DLG1: variants seen among roughly 807,000 people sequenced by gnomAD.
DLG1 encodes disks large homolog 1.
In DLG1, 42 loss-of-function variants were observed where a neutral mutation model predicts 123.4. The ratio of observed to expected loss-of-function variants is 0.34; its 90% CI spans 0.27 to 0.44. The LOEUF is 0.44. Ranked by LOEUF, DLG1 falls within the 20% of genes least tolerant of loss-of-function variation. The pLI, the probability that DLG1 is intolerant of heterozygous loss-of-function variation, is 1.00. For missense variants in DLG1, 942 were observed against 1,082.6 expected, an observed-to-expected ratio of 0.87 and a Z score of 1.82; for synonymous variants, 317 against 356.2, an observed-to-expected ratio of 0.89 and a Z score of 1.24.
intron 11 of DLG1, among the ~76,000 whole-genome samples, chr3:197,122,843 A>G (rs1049667240): frequency 6.6e-6 from 1 of 152,094 alleles, no homozygotes; most frequent in Admixed American, 6.6e-5. Flanking sequence ...ACCGATCTGT[A>G]ATGTTTTTGA....
rs148346871 is a variant in DLG1, at chr3:197,160,400, A to C, written c.484-10604T>G. Among the ~76,000 whole-genome samples the C allele has an allele frequency of 3.3e-5, 5 of 151,502 alleles. No individual in the cohort carries two copies. The South Asian group carries it at 8.3e-4, about 25-fold the overall frequency. ...AAAAAAAACTGTACTAATAAACTCT[A>C]TATATTTGGAAAGATGTTACATTAT... On this transcript the variant is annotated intron_variant, in intron 5 of 24. Transcript: ENST00000667157.
intron 13 of DLG1, among the ~76,000 whole-genome samples, chr3:197,107,340 C>T (rs559917217): frequency 8.5e-5 from 13 of 152,172 alleles, no homozygotes; most frequent in East Asian, 3.9e-4. Flanking sequence ...GTCAGGAGAT[C>T]GAGACCTTCC....
At chr3:197,136,422 C>A in intron 10 of DLG1, 120 bp downstream of exon 10, 1 of 701,740 alleles carries the variant, frequency 1.4e-6, no homozygotes, top group Non-Finnish European at 2.3e-6. Context: ...TACAGCAAGG[C>A]TAGTATTTGC....
At chr3:197,061,102 C>T (rs1735454867) in intron 22 of DLG1, among the ~76,000 whole-genome samples, 1 of 152,200 alleles carries the variant, frequency 6.6e-6, no homozygotes. Context: ...CCATGCTCAG[C>T]CCCATAATGC....
intron 5 of DLG1, among the ~76,000 whole-genome samples, chr3:197,167,910 C>T (rs1438185763): frequency 6.6e-6 from 1 of 152,134 alleles, no homozygotes; most frequent in Non-Finnish European, 1.5e-5. Context: ...GAAAATGTCA[C>T]AAATGTAATA....
rs558256686 is a variant in DLG1 at position 197,119,480 on chromosome 3, G to C, written c.1216C>G (p.Gln406Glu). The C allele has an allele frequency of 6.2e-7, 1 of 1,611,694 alleles. No individual in the cohort carries two copies. The highest frequency in any genetic ancestry group is 2.2e-5 in the East Asian group (1 of 44,744). ...NHVSPSSFLGQTPASPARYSP... is the reference protein window; with the variant it reads ...NHVSPSSFLGETPASPARYSP... The stretch of plus-strand genomic sequence containing the variant: ...TATCTGGCTGGAGATGCTGGTGTCT[G>C]GCCCAAGAAGGAAGATGGGCTAACA... The change falls in exon 12 of 25, where the codon CAG becomes GAG. Residue 406 changes from glutamine to glutamate, a missense_variant. Gln to Glu is a conservative substitution (Grantham distance 29, BLOSUM62 2). Coordinates refer to ENST00000667157, the MANE Select transcript of DLG1 (RefSeq NM_001366207.1).
At chr3:197,275,997 A>T (rs182697809) in intron 4 of DLG1, among the ~76,000 whole-genome samples, 1 of 152,322 alleles carries the variant, frequency 6.6e-6, no homozygotes, top group Admixed American at 6.5e-5. Flanking sequence ...CCATATAAAT[A>T]TGTATAATTA....
At chr3:197,204,173 T>A (rs1727331631) in intron 4 of DLG1, among the ~76,000 whole-genome samples, 1 of 152,232 alleles carries the variant, frequency 6.6e-6, no homozygotes, top group Non-Finnish European at 1.5e-5. Context: ...GATTTCCACA[T>A]TACACTGACT....
chr3:197,233,658 T>C (rs541823792), intron 4 of DLG1, among the ~76,000 whole-genome samples: 3 of 152,314 alleles, frequency 2.0e-5, no homozygotes, highest in African/African-American at 7.2e-5. Context: ...GTGCTGGGAT[T>C]ACAGGTGTGA....
intron 4 of DLG1, among the ~76,000 whole-genome samples, chr3:197,197,052 TTTTAA>T (rs1175895366): frequency 6.6e-6 from 1 of 152,220 alleles, no homozygotes; most frequent in Non-Finnish European, 1.5e-5. Flanking sequence ...TTTAAGTATC[TTTTAA>T]TTTATAAGTT....
At chr3:197,060,604 C>T (rs1735100400) in intron 22 of DLG1, among the ~76,000 whole-genome samples, 1 of 152,176 alleles carries the variant, frequency 6.6e-6, no homozygotes, top group African/African-American at 2.4e-5. Flanking sequence ...TTCTATTTCT[C>T]ATTTTATTAG....
At chr3:197,182,705 T>TTTAAA (rs10663135) in intron 5 of DLG1, among the ~76,000 whole-genome samples, 114,496 of 151,398 alleles carry the variant, frequency 0.76, 43,407 homozygotes, top group East Asian at 0.82. Context: ...TCAACTTGTT[T>TTTAAA]TTAGACCATT....
intron 24 of DLG1, among the ~76,000 whole-genome samples, chr3:197,049,725 A>T (rs1032829274): frequency 5.9e-5 from 9 of 152,158 alleles, no homozygotes; most frequent in Non-Finnish European, 1.3e-4. Flanking sequence ...CAGCCTGGGC[A>T]GCAAGAGCAA....
chr3:197,112,111 G>A (rs114060629), intron 13 of DLG1, among the ~76,000 whole-genome samples: 6,484 of 152,246 alleles, frequency 0.043, 185 homozygotes, highest in Non-Finnish European at 0.054. Flanking sequence ...TAGTGAATGA[G>A]GGTTGTAGCT....
At chr3:197,275,616 T>C (rs955699885) in intron 4 of DLG1, among the ~76,000 whole-genome samples, 1 of 152,220 alleles carries the variant, frequency 6.6e-6, no homozygotes, top group African/African-American at 2.4e-5. Flanking sequence ...GCCTGAAGGA[T>C]ATCTTATGAG....
intron 2 of DLG1, 91 bp from the exon 3 acceptor site, chr3:197,296,568 T>C: frequency 9.1e-6 from 11 of 1,202,878 alleles, no homozygotes; most frequent in Non-Finnish European, 1.2e-5. Context: ...GACATCTAAA[T>C]AGTTCCGCAA....
intron 5 of DLG1, among the ~76,000 whole-genome samples, chr3:197,176,469 C>T (rs1264850495): frequency 6.6e-6 from 1 of 152,024 alleles, no homozygotes; most frequent in Non-Finnish European, 1.5e-5. Context: ...ATTATTTATC[C>T]CTCTCACCTA....
intron 23 of DLG1, among the ~76,000 whole-genome samples, chr3:197,057,173 G>A (rs996679681): frequency 1.3e-5 from 2 of 151,932 alleles, no homozygotes; most frequent in African/African-American, 4.8e-5. Flanking sequence ...CAGAACTCCT[G>A]GGCTCAAGGG....
intron 11 of DLG1, among the ~76,000 whole-genome samples, chr3:197,127,337 C>G (rs565982214): frequency 7.0e-6 from 1 of 142,836 alleles, no homozygotes; most frequent in Non-Finnish European, 1.5e-5. Context: ...GCAGGAGGAT[C>G]GCTTGAACCT....
Sources: gnomAD v4.1 joint callset for allele counts (sites outside exome capture counted in the v4.1 genomes callset) on GRCh38, gnomAD v4.1.1 for gene constraint, MANE v1.5 for transcripts, NCBI Gene and HGNC (gene_info 2026-07-23, HGNC 2026-07-21) for gene names.